CNTNAP2: variants seen among roughly 807,000 people sequenced by gnomAD.
CNTNAP2 encodes the protein contactin associated protein 2, also known as contactin-associated protein-like 2.
CNTNAP2 carries 98 observed loss-of-function variants against 155.2 expected under a neutral mutation model. The observed-to-expected ratio is 0.63, with a 90% CI of 0.54 to 0.75. The LOEUF is 0.75. Among genes scored for constraint, CNTNAP2 ranks in the 30% least tolerant of loss-of-function variants. The pLI, the probability that CNTNAP2 is intolerant of heterozygous loss-of-function variation, is 0.00. For synonymous variants in CNTNAP2, 651 were observed against 631.2 expected (o/e 1.03, Z -0.47); for missense variants, 1,727 against 1,688.1 (o/e 1.02, Z -0.40).
At chr7:147,679,468 T>G (rs1044124131) in intron 13 of CNTNAP2, among the ~76,000 whole-genome samples, 7 of 151,862 alleles carry the variant, frequency 4.6e-5, no homozygotes, top group Non-Finnish European at 1.0e-4. Context: ...AGGAAGTAGA[T>G]TAAAAGGAGA....
intron 1 of CNTNAP2, among the ~76,000 whole-genome samples, chr7:146,143,818 A>G (rs1797916247): frequency 6.6e-6 from 1 of 151,908 alleles, no homozygotes; most frequent in African/African-American, 2.4e-5. Context: ...GCTGGAGTAC[A>G]GTGGCACAGT....
intron 1 of CNTNAP2, among the ~76,000 whole-genome samples, chr7:146,257,646 G>A (rs552513250): frequency 8.5e-5 from 13 of 152,282 alleles, no homozygotes; most frequent in African/African-American, 3.1e-4. Context: ...CAATACTTTA[G>A]CCTAAGCCAG....
intron 15 of CNTNAP2, among the ~76,000 whole-genome samples, chr7:148,022,484 A>AG (rs60257405): frequency 5.7e-5 from 4 of 70,406 alleles, no homozygotes; most frequent in African/African-American, 1.2e-4. Context: ...AAAAAAAAAA[A>AG]GAAAAGAAAA....
intron 12 of CNTNAP2, among the ~76,000 whole-genome samples, chr7:147,599,548 A>T (rs1313462020): frequency 6.6e-6 from 1 of 151,552 alleles, no homozygotes; most frequent in Non-Finnish European, 1.5e-5. Flanking sequence ...TTATCCTCTC[A>T]TAGTTCTGGG....
chr7:146,554,491 G>A (rs556607498), intron 1 of CNTNAP2, among the ~76,000 whole-genome samples: 2 of 152,066 alleles, frequency 1.3e-5, no homozygotes, highest in Non-Finnish European at 2.9e-5. Flanking sequence ...TTAGCCATTT[G>A]TATGTCTTTC....
intron 11 of CNTNAP2, among the ~76,000 whole-genome samples, chr7:147,547,445 C>T (rs1463552569): frequency 1.3e-5 from 2 of 152,046 alleles, no homozygotes; most frequent in Non-Finnish European, 2.9e-5. Flanking sequence ...CATTCAATCC[C>T]CTGGGCTCCA....
intron 22 of CNTNAP2, among the ~76,000 whole-genome samples, chr7:148,397,492 A>G (rs1799495054): frequency 6.6e-6 from 1 of 152,212 alleles, no homozygotes; most frequent in South Asian, 2.1e-4. Context: ...GAACTGTCTT[A>G]CTATTTTCTA....
At chr7:148,027,203 C>T (rs1418459627) in intron 15 of CNTNAP2, among the ~76,000 whole-genome samples, 3 of 152,166 alleles carry the variant, frequency 2.0e-5, no homozygotes, top group Non-Finnish European at 4.4e-5. Context: ...TAAATAAGTA[C>T]TTCTCTCTGA....
At chr7:146,753,901 G>T (rs1405853264) in intron 1 of CNTNAP2, among the ~76,000 whole-genome samples, 2 of 151,992 alleles carry the variant, frequency 1.3e-5, no homozygotes, top group Non-Finnish European at 2.9e-5. Flanking sequence ...ACTATATGAA[G>T]ATTCAACCTA....
intron 1 of CNTNAP2, among the ~76,000 whole-genome samples, chr7:146,738,026 A>G (rs115573878): frequency 6.6e-6 from 1 of 152,182 alleles, no homozygotes; most frequent in African/African-American, 2.4e-5. Flanking sequence ...CTTCCTTTGG[A>G]ATATGCCTAG....
At chr7:147,369,277 G>A (rs986809688) in intron 9 of CNTNAP2, among the ~76,000 whole-genome samples, 1 of 152,156 alleles carries the variant, frequency 6.6e-6, no homozygotes, top group Admixed American at 6.5e-5. Context: ...CATGAAGATG[G>A]CATAGGCCTT....
chr7:148,299,053 C>T (rs540131948), intron 21 of CNTNAP2, among the ~76,000 whole-genome samples: 9 of 151,276 alleles, frequency 5.9e-5, no homozygotes, highest in Non-Finnish European at 1.3e-4. Context: ...TGCAGTGGCA[C>T]GATCTCAGCT....
intron 3 of CNTNAP2, among the ~76,000 whole-genome samples, chr7:146,923,810 T>G (rs1796553297): frequency 6.6e-6 from 1 of 152,124 alleles, no homozygotes. Context: ...TTTAGTATAT[T>G]GGCTTTCAAA....
chr7:146,550,405 T>TTTTG (rs1396472662), intron 1 of CNTNAP2, among the ~76,000 whole-genome samples: 1 of 102,794 alleles, frequency 9.7e-6, no homozygotes, highest in Non-Finnish European at 2.2e-5. Context: ...TAATCTGTTT[T>TTTTG]TTTTTTTTTT....
At chr7:148,288,324 CTCCTGACTTCGTGATCTGCCCGCCTCA>C (rs1201364689) in intron 21 of CNTNAP2, among the ~76,000 whole-genome samples, 1 of 151,928 alleles carries the variant, frequency 6.6e-6, no homozygotes, top group African/African-American at 2.4e-5. Context: ...TGGTCTCAAA[CTCCTGACTTCGTGATCTGCCCGCCTCA>C]TCCTCCCAAA....
At chr7:148,176,262 C>T (rs1398514583) in intron 18 of CNTNAP2, among the ~76,000 whole-genome samples, 2 of 132,502 alleles carry the variant, frequency 1.5e-5, no homozygotes, top group South Asian at 2.3e-4. Context: ...TCTCTTGTCG[C>T]CCAGACTGGA....
At chr7:147,903,757 TCCCA>T in intron 14 of CNTNAP2, 36 bp downstream of exon 14, 1 of 1,608,740 alleles carries the variant, frequency 6.2e-7, no homozygotes, top group Non-Finnish European at 8.5e-7. Context: ...AGGCTCACCC[TCCCA>T]GTGTGCCTTT....
intron 3 of CNTNAP2, among the ~76,000 whole-genome samples, chr7:146,849,786 A>G (rs28459274): frequency 0.037 from 5,570 of 152,196 alleles, 338 homozygotes; most frequent in African/African-American, 0.12. Context: ...AATGTTTCTC[A>G]AATACTATAT....
In CNTNAP2 at chr7:146,233,777, C is replaced by G. The variant is rs1443584615; in HGVS notation, c.97+116804C>G. ...GATGATTTCCAATTTCATCCATGTC[C>G]CTACAAAGCACAGGAACTCATCATT... On this transcript the variant is annotated intron_variant, in intron 1 of 23. Coordinates refer to ENST00000361727, the MANE Select transcript of CNTNAP2 (RefSeq NM_014141.6). Among the ~76,000 whole-genome samples, 4 of 151,964 alleles carry G rather than the reference C, an allele frequency of 2.6e-5. No homozygotes were observed. In the East Asian group the frequency reaches 7.8e-4, roughly 30 times the overall value.
Sources: gnomAD v4.1 joint callset for allele counts (sites outside exome capture counted in the v4.1 genomes callset) on GRCh38, gnomAD v4.1.1 for gene constraint, MANE v1.5 for transcripts, NCBI Gene and HGNC (gene_info 2026-07-23, HGNC 2026-07-21) for gene names.